The following SH3RF1 variants were observed in gnomAD, a reference collection of about 807,000 sequenced individuals.
SH3RF1 encodes SH3 domain containing ring finger 1.
A neutral mutation model predicts 74.0 loss-of-function variants in SH3RF1; 32 were observed. The observed-to-expected ratio is 0.43, with a 90% CI of 0.33 to 0.58. SH3RF1 has a LOEUF of 0.58. Among genes scored for constraint, SH3RF1 ranks in the 20% least tolerant of loss-of-function variants. SH3RF1 has a pLI of 0.05. For synonymous variants in SH3RF1, 396 were observed against 439.6 expected, an observed-to-expected ratio of 0.90 and a Z score of 1.24; for missense variants, 954 against 1,130.9, an observed-to-expected ratio of 0.84 and a Z score of 2.24.
intron 2 of SH3RF1, among the ~76,000 whole-genome samples, chr4:169,232,147 G>A (rs1433395991): frequency 1.3e-5 from 2 of 152,174 alleles, no homozygotes; most frequent in African/African-American, 2.4e-5. Context: ...CAGTACGAGC[G>A]CTAGTAAGCA....
chr4:169,217,682 G>T (rs1322282644), intron 2 of SH3RF1, among the ~76,000 whole-genome samples: 1 of 152,106 alleles, frequency 6.6e-6, no homozygotes, highest in African/African-American at 2.4e-5. Flanking sequence ...TAAAACATTG[G>T]CCTGGGAGAA....
At position 169,164,338 on chromosome 4, in the gene SH3RF1, G is replaced by T. The variant is rs536681931; in HGVS notation, c.394-7659C>A. 7.2e-5 allele frequency among the ~76,000 whole-genome samples: 11 copies of T among 152,226 alleles called. 1 individual carries two copies. The highest frequency in any genetic ancestry group is 2.6e-4 in the African/African-American group (11 of 41,534). Reference sequence around the variant, plus strand: ...GGTGTGGATAGGTTAAGTGGAAAAAGAACACATCTAAAGGAAAAGCAACTA... The same window carrying T: ...GGTGTGGATAGGTTAAGTGGAAAAATAACACATCTAAAGGAAAAGCAACTA... On this transcript the variant is annotated intron_variant, in intron 2 of 11. Transcript: ENST00000284637.
intron 2 of SH3RF1, among the ~76,000 whole-genome samples, chr4:169,181,969 C>T (rs143448312): frequency 0.014 from 2,096 of 152,154 alleles, 41 homozygotes; most frequent in African/African-American, 0.047. Flanking sequence ...TCTCTCCCAC[C>T]GAAATGAAGA....
chr4:169,105,896 G>C (rs1439260301), intron 11 of SH3RF1, among the ~76,000 whole-genome samples: 1 of 152,144 alleles, frequency 6.6e-6, no homozygotes, highest in Non-Finnish European at 1.5e-5. Flanking sequence ...AAAAAAAGAA[G>C]AGAGTTCTCT....
Position 169,156,257 on chromosome 4 carries a change from C to T in SH3RF1, c.669+147G>A, listed in dbSNP as rs544338102. 2.8e-5 allele frequency: 23 copies of T among 825,352 alleles called. No individual in the cohort carries two copies. In the South Asian group the frequency reaches 5.7e-4, roughly 20 times the overall value. 51.1% of individuals were successfully genotyped at this position (825,352 alleles called of 1,614,324 possible). A position where few individuals can be genotyped will look rare whatever the true frequency, so the allele number is the denominator to read the frequency against. The stretch of plus-strand genomic sequence containing the variant: ...AATTACCTTCCTTGTGACTTAAAGA[C>T]TGCTTCTAGGCATTTTCAGAAGCAT... On this transcript the variant is annotated intron_variant, in intron 3 of 11. Coordinates refer to ENST00000284637, the MANE Select transcript of SH3RF1 (RefSeq NM_020870.4).
intron 4 of SH3RF1, among the ~76,000 whole-genome samples, chr4:169,139,037 G>A (rs998691122): frequency 1.4e-4 from 21 of 152,112 alleles, no homozygotes; most frequent in African/African-American, 4.8e-4. Context: ...GTGCAGCCTC[G>A]AACTCCTGGG....
At chr4:169,174,837 G>A (rs1274703552) in intron 2 of SH3RF1, among the ~76,000 whole-genome samples, 2 of 129,614 alleles carry the variant, frequency 1.5e-5, no homozygotes, top group Non-Finnish European at 3.4e-5. Context: ...ACTCTCATAT[G>A]AAGCGCTAAG....
chr4:169,237,490 A>T (rs536757744), intron 2 of SH3RF1, among the ~76,000 whole-genome samples: 5 of 152,266 alleles, frequency 3.3e-5, no homozygotes, highest in Admixed American at 1.3e-4. Flanking sequence ...TTAATTTTTT[A>T]AAAAAGAGAG....
chr4:169,193,174 T>G (rs910282545), intron 2 of SH3RF1, among the ~76,000 whole-genome samples: 6 of 151,776 alleles, frequency 4.0e-5, no homozygotes, highest in African/African-American at 1.5e-4. Context: ...AGACCACAAA[T>G]AGAGCTCAGT....
intron 11 of SH3RF1, among the ~76,000 whole-genome samples, chr4:169,097,628 C>T (rs1732952952): frequency 6.6e-6 from 1 of 152,120 alleles, no homozygotes; most frequent in Non-Finnish European, 1.5e-5. Flanking sequence ...GCATTATTTG[C>T]ATTACTCCTC....
chr4:169,156,169 T>C (rs1206183220), intron 3 of SH3RF1, among the ~76,000 whole-genome samples: 1 of 152,174 alleles, frequency 6.6e-6, no homozygotes, highest in African/African-American at 2.4e-5. Context: ...ACTCTAAATA[T>C]GAAAATGATA....
At chr4:169,239,840 G>A (rs1008507677) in intron 2 of SH3RF1, among the ~76,000 whole-genome samples, 1 of 152,022 alleles carries the variant, frequency 6.6e-6, no homozygotes, top group Non-Finnish European at 1.5e-5. Flanking sequence ...GGACAACATG[G>A]TGAAACCCCG....
chr4:169,145,268 T>A (rs1400288781), intron 4 of SH3RF1, among the ~76,000 whole-genome samples: 2 of 152,120 alleles, frequency 1.3e-5, no homozygotes, highest in Non-Finnish European at 2.9e-5. Flanking sequence ...AAGAGAGAAA[T>A]AATGTCTTTT....
intron 2 of SH3RF1, among the ~76,000 whole-genome samples, chr4:169,264,916 G>C (rs1043033836): frequency 6.6e-6 from 1 of 151,908 alleles, no homozygotes; most frequent in African/African-American, 2.4e-5. Context: ...AATATTCTTC[G>C]CCTCTGCCCC....
intron 4 of SH3RF1, among the ~76,000 whole-genome samples, chr4:169,146,127 T>TATATTATATATCTATATATTCTATATAAA (rs1733885180): frequency 7.3e-6 from 1 of 137,746 alleles, no homozygotes; most frequent in Non-Finnish European, 1.5e-5. Flanking sequence ...ATATATTCTA[T>TATATTATATATCTATATATTCTATATAAA]ATATTATATA....
At chr4:169,250,412 A>G (rs1003549891) in intron 2 of SH3RF1, among the ~76,000 whole-genome samples, 2 of 152,228 alleles carry the variant, frequency 1.3e-5, no homozygotes, top group African/African-American at 2.4e-5. Context: ...ATAAGCATAT[A>G]TGACACTTTA....
At position 169,117,538 on chromosome 4, in the gene SH3RF1, T is replaced by C. The variant is rs1361003609; in HGVS notation, c.1762A>G (p.Asn588Asp). Residue 588 changes from asparagine to aspartate, a missense_variant, in exon 9 of 12, where the codon AAT (asparagine) becomes GAT (aspartate). Physicochemically the swap from Asn to Asp is conservative, Grantham distance 23. Coordinates refer to ENST00000284637, the MANE Select transcript of SH3RF1 (RefSeq NM_020870.4). ...TGQMTVNQAR[N>D]AVRTVAAHNQ... ...TCCTCCTTACCTGTCCTCACAGCAT[T>C]GCGGGCCTGGTTGACTGTCATTTGC... 9 of 1,614,122 alleles carry C rather than the reference T, an allele frequency of 5.6e-6. No homozygotes were observed. In the Admixed American group the frequency reaches 1.3e-4, roughly 24 times the overall value.
At chr4:169,161,870 A>G (rs1174691708) in intron 2 of SH3RF1, among the ~76,000 whole-genome samples, 1 of 152,234 alleles carries the variant, frequency 6.6e-6, no homozygotes, top group Non-Finnish European at 1.5e-5. Context: ...AATGGGTGGA[A>G]GAAACAATTT....
intron 2 of SH3RF1, among the ~76,000 whole-genome samples, chr4:169,243,066 C>T (rs757579253): frequency 1.3e-5 from 2 of 152,160 alleles, no homozygotes; most frequent in Admixed American, 1.3e-4. Context: ...GTCTTCAAAC[C>T]CCTTCTCCCA....
Sources: gnomAD v4.1 joint callset for allele counts (sites outside exome capture counted in the v4.1 genomes callset) on GRCh38, gnomAD v4.1.1 for gene constraint, MANE v1.5 for transcripts, NCBI Gene and HGNC (gene_info 2026-07-23, HGNC 2026-07-21) for gene names.